The following DNAH8 variants were observed in gnomAD, a reference collection of about 807,000 sequenced individuals.
DNAH8 encodes the protein axonemal beta dynein heavy chain 8.
In DNAH8, 382 loss-of-function variants were observed where a neutral mutation model predicts 562.1. The observed-to-expected ratio is 0.68, with a 90% confidence interval of 0.63 to 0.74. The LOEUF is 0.74. DNAH8 is among the 30% of genes least tolerant of loss of function. DNAH8 has a pLI of 0.00. For synonymous variants in DNAH8, 1,881 were observed against 1,919.4 expected (o/e 0.98, Z 0.52); for missense variants, 5,203 against 5,620.4 (o/e 0.93, Z 2.37).
chr6:39,011,108 T>TA (rs1168731361), intron 89 of DNAH8, among the ~76,000 whole-genome samples: 1 of 152,140 alleles, frequency 6.6e-6, no homozygotes, highest in Non-Finnish European at 1.5e-5. Flanking sequence ...TGCTCAGTGT[T>TA]ATATCTCCTT....
chr6:38,760,490 A>G (rs1435038708), intron 10 of DNAH8, among the ~76,000 whole-genome samples: 1 of 151,132 alleles, frequency 6.6e-6, no homozygotes, highest in Non-Finnish European at 1.5e-5. Flanking sequence ...CTTGTTCTAC[A>G]CTTGCTGAGT....
intron 58 of DNAH8, among the ~76,000 whole-genome samples, chr6:38,893,642 A>G (rs1779486916): frequency 6.6e-6 from 1 of 152,356 alleles, no homozygotes; most frequent in Admixed American, 6.5e-5. Context: ...AGGGAAGTTG[A>G]TAGGTGATTG....
intron 73 of DNAH8, 95 bp from the exon 74 acceptor site, chr6:38,925,960 A>G: frequency 8.4e-7 from 1 of 1,187,790 alleles, no homozygotes; most frequent in East Asian, 2.6e-5. Flanking sequence ...AATAATGTCC[A>G]CATTTTAAAT....
chr6:38,743,655 A>G (rs962751984), intron 8 of DNAH8, among the ~76,000 whole-genome samples: 2 of 151,940 alleles, frequency 1.3e-5, no homozygotes, highest in Non-Finnish European at 2.9e-5. Flanking sequence ...GGTTTCTTTC[A>G]CTTAGCATAA....
chr6:38,795,018 A>G (rs1770096199), intron 21 of DNAH8, among the ~76,000 whole-genome samples: 1 of 152,210 alleles, frequency 6.6e-6, no homozygotes, highest in Non-Finnish European at 1.5e-5. Context: ...TTCACGCATT[A>G]CATTTGATTG....
Position 39,012,522 on chromosome 6 carries a change from G to A in DNAH8, c.13599G>A (p.Ser4533=), listed in dbSNP as rs150470972. 5.3e-5 allele frequency: 86 copies of A among 1,613,820 alleles called. No homozygotes were observed. The African/African-American group carries it at 9.2e-4, about 17-fold the overall frequency. The change falls in exon 91 of 93, where the codon TCG becomes TCA. Residue 4533 remains serine, a synonymous_variant. Transcript: ENST00000327475. ...PQLWKRVSWD[S]STLGFWFTEL... Reference sequence around the variant, plus strand: ...TCTGGAAAAGAGTGTCTTGGGATTCGTCCACACTGGGCTTCTGGTTCACTG... The same window carrying A: ...TCTGGAAAAGAGTGTCTTGGGATTCATCCACACTGGGCTTCTGGTTCACTG...
intron 68 of DNAH8, among the ~76,000 whole-genome samples, chr6:38,915,855 C>CACACACACACACACAT: frequency 1.7e-5 from 1 of 58,412 alleles, no homozygotes; most frequent in East Asian, 3.9e-3. Flanking sequence ...CACACACATA[C>CACACACACACACACAT]ACACACACAC....
intron 73 of DNAH8, 120 bp downstream of exon 73, chr6:38,924,282 G>A (rs1781939020): frequency 1.1e-6 from 1 of 931,432 alleles, no homozygotes; most frequent in African/African-American, 1.7e-5. Flanking sequence ...GGAGGCTGAG[G>A]AGGGCAGATC....
chr6:38,848,658 C>A lies in DNAH8; in HGVS notation c.5056C>A (p.Pro1686Thr). ...GTTCTTACCTTTTAGATACAATGCT[C>A]CATTTAAAAAAAATATCCAGAATTG... Reference protein sequence around the residue: ...GSLLSNRYNAPFKKNIQNWVY... With the variant: ...GSLLSNRYNATFKKNIQNWVY... The change falls in exon 37 of 93, where the codon CCA becomes ACA. Residue 1686 changes from proline to threonine, a missense_variant. Physicochemically the swap from Pro to Thr is conservative, Grantham distance 38. This residue lies in a region of DNAH8 where 2,176 missense variants were observed against 2,365.1 expected (regional missense o/e 0.92). Transcript: ENST00000327475. 1 of 1,609,618 alleles carries A rather than the reference C, an allele frequency of 6.2e-7. No homozygotes were observed. The highest frequency in any genetic ancestry group is 1.1e-5 in the South Asian group (1 of 90,774).
chr6:38,981,227 C>T (rs1764014980), intron 85 of DNAH8, among the ~76,000 whole-genome samples: 1 of 152,176 alleles, frequency 6.6e-6, no homozygotes, highest in Admixed American at 6.5e-5. Context: ...AAATCCCTGG[C>T]CCTTCCTTAG....
chr6:38,967,023 A>G (rs889184150), intron 82 of DNAH8, among the ~76,000 whole-genome samples: 6 of 152,230 alleles, frequency 3.9e-5, no homozygotes, highest in Non-Finnish European at 8.8e-5. Context: ...TTAGGTTTCA[A>G]CATATGAATT....
At chr6:38,849,792 TTTG>T (rs1720231644) in intron 37 of DNAH8, among the ~76,000 whole-genome samples, 1 of 152,108 alleles carries the variant, frequency 6.6e-6, no homozygotes, top group African/African-American at 2.4e-5. Context: ...TAAATGAAAC[TTTG>T]TTTTGTGGCT....
At position 38,938,054 on chromosome 6, in the gene DNAH8, C is replaced by G; in HGVS notation, c.11644C>G (p.His3882Asp). The stretch of plus-strand genomic sequence containing the variant: ...AGCAGCTGAGGTAAGTGAAAAGTTG[C>G]ATGTGGCTGCAGAAACTGAGATCAA... ...QTAAEVSEKL[H>D]VAAETEIKIN... Residue 3882 changes from histidine (H) to aspartate (D), a missense_variant, in exon 78 of 93, where the codon CAT becomes GAT. His to Asp is a moderately conservative substitution (Grantham distance 81). Around this residue, in one of 6 missense-constraint regions of DNAH8, gnomAD observed 1,399 missense variants for 1,518.4 expected, o/e 0.92. Transcript: ENST00000327475. The G allele has an allele frequency of 6.2e-7, 1 of 1,614,056 alleles. No homozygotes were observed. Among genetic ancestry groups the G allele is most frequent in the South Asian group, 1.1e-5 (1 of 91,066 alleles).
chr6:38,790,353 T>G lies in DNAH8; in HGVS notation c.2729T>G (p.Phe910Cys). ...TGGTCGTCTTTAACACTGGAAAGCTTCTTTCAAGAAGTCGAATTAGTTTTG... is the reference window on the plus strand; with the variant it reads ...TGGTCGTCTTTAACACTGGAAAGCTGCTTTCAAGAAGTCGAATTAGTTTTG... ...LTWSSLTLESFFQEVELVLDM... is the reference protein window; with the variant it reads ...LTWSSLTLESCFQEVELVLDM... The change falls in exon 20 of 93, where the codon TTC becomes TGC. Residue 910 changes from phenylalanine (F) to cysteine (C), a missense_variant. By Grantham distance (205) the Phe-to-Cys change is radical. This residue lies in a region of DNAH8 where 2,176 missense variants were observed against 2,365.1 expected (regional missense o/e 0.92). Transcript: ENST00000327475. 6.2e-7 allele frequency: 1 copy of G among 1,608,934 alleles called. No homozygotes were observed. The highest frequency in any genetic ancestry group is 8.5e-7 in the Non-Finnish European group (1 of 1,178,478).
At chr6:38,881,355 T>A (rs1347900964) in intron 53 of DNAH8, among the ~76,000 whole-genome samples, 1 of 152,188 alleles carries the variant, frequency 6.6e-6, no homozygotes, top group Non-Finnish European at 1.5e-5. Flanking sequence ...TGGGTATAAT[T>A]CTGAATCATT....
In DNAH8 at chr6:38,721,833, G is replaced by T. The variant is rs975883413; in HGVS notation, c.-34-943G>T. Among the ~76,000 whole-genome samples, 10 of 152,142 alleles carry T rather than the reference G, an allele frequency of 6.6e-5. 1 individual carries two copies. Among genetic ancestry groups the T allele is most frequent in the Admixed American group, 6.5e-5 (1 of 15,280 alleles). Reference sequence around the variant, plus strand: ...TCATAAGAAGCTCCATCTTGCTTAGGCCAGGTCTGCATCTGTGTCCTCAGA... The same window carrying T: ...TCATAAGAAGCTCCATCTTGCTTAGTCCAGGTCTGCATCTGTGTCCTCAGA... On this transcript the variant is annotated intron_variant, in intron 1 of 92. Transcript: ENST00000327475.
chr6:38,864,071 A>G lies in DNAH8; in HGVS notation c.6498+11A>G. 6.2e-7 allele frequency: 1 copy of G among 1,600,914 alleles called. No homozygotes were observed. The highest frequency in any genetic ancestry group is 1.8e-5 in the Admixed American group (1 of 56,158). On this transcript the variant is annotated intron_variant, in intron 45 of 92. Transcript: ENST00000327475. Reference sequence around the variant, plus strand: ...ATCTTCTTAACGATGGTGAGAAAAAAGGCTTTAAATGCAATTTAATTAGTT... The same window carrying G: ...ATCTTCTTAACGATGGTGAGAAAAAGGGCTTTAAATGCAATTTAATTAGTT...
Position 38,938,944 on chromosome 6 carries a change from A to G in DNAH8, c.11963A>G (p.Gln3988Arg). 6.2e-7 allele frequency: 1 copy of G among 1,613,950 alleles called. No homozygotes were observed. Among genetic ancestry groups the G allele is most frequent in the South Asian group, 1.1e-5 (1 of 91,062 alleles). Residue 3988 changes from glutamine to arginine, a missense_variant, in exon 79 of 93, where the codon CAG (glutamine) becomes CGG (arginine). By Grantham distance (43) the Gln-to-Arg change is conservative (BLOSUM62 1). This residue lies in a region of DNAH8 where 1,399 missense variants were observed against 1,518.4 expected (regional missense o/e 0.92). Coordinates refer to ENST00000327475, the MANE Select transcript of DNAH8 (RefSeq NM_001206927.2). ...VLLMTLKIDLQRGTVKHREFQ... is the reference protein window; with the variant it reads ...VLLMTLKIDLRRGTVKHREFQ... Reference sequence around the variant, plus strand: ...CTCATGACCTTAAAGATTGACCTTCAGAGAGGGACAGTTAAGCACAGAGAG... The same window carrying G: ...CTCATGACCTTAAAGATTGACCTTCGGAGAGGGACAGTTAAGCACAGAGAG...
Position 38,852,733 on chromosome 6 carries a change from A to G in DNAH8, c.5506A>G (p.Thr1836Ala). 1.2e-6 allele frequency: 2 copies of G among 1,613,950 alleles called. No homozygotes were observed. The highest frequency in any genetic ancestry group is 1.3e-5 in the African/African-American group (1 of 75,050). ...AGTATCTGACAACATCAATGAGGTG[A>G]CATTTCATGCAAAAGACTATGATCG... ...PAVSDNINEVTFHAKDYDRIM... is the reference protein window; with the variant it reads ...PAVSDNINEVAFHAKDYDRIM... The change falls in exon 40 of 93, where the codon ACA (threonine) becomes GCA (alanine). Residue 1836 changes from threonine to alanine, a missense_variant. This residue lies in a region of DNAH8 where 2,176 missense variants were observed against 2,365.1 expected (regional missense o/e 0.92). Coordinates refer to ENST00000327475, the MANE Select transcript of DNAH8 (RefSeq NM_001206927.2).
Sources: allele counts gnomAD v4.1 joint callset (sites outside exome capture counted in the v4.1 genomes callset), GRCh38; gene constraint gnomAD v4.1.1; regional missense constraint gnomAD v4.1.1; transcripts MANE v1.5; gene names NCBI Gene and HGNC (gene_info 2026-07-23, HGNC 2026-07-21).